Variants in ARHGAP20 observed in about 807,000 individuals in gnomAD.
The protein encoded by ARHGAP20 is rho GTPase-activating protein 20.
A neutral mutation model predicts 73.7 loss-of-function variants in ARHGAP20; 34 were observed. That is an observed-to-expected ratio of 0.46 (90% CI 0.35 to 0.61). ARHGAP20 has a LOEUF of 0.61. Ranked by LOEUF, ARHGAP20 falls within the 20% of genes least tolerant of loss-of-function variation. The pLI, the probability that ARHGAP20 is intolerant of heterozygous loss-of-function variation, is 0.00. For synonymous variants in ARHGAP20, 523 were observed against 518.2 expected (o/e 1.01, Z -0.13); for missense variants, 1,314 against 1,420.9 (o/e 0.92, Z 1.21).
rs11461759 is a variant in ARHGAP20, at chr11:110,711,005, C to CAAAAA, written c.105+1117_105+1121dup. Reference sequence around the variant, plus strand: ...CTGGAAGGGCACCACTAAGACAAGGCAAAAAAAAAAAAAAAGGCAAAATAT... The same window carrying CAAAAA: ...CTGGAAGGGCACCACTAAGACAAGGCAAAAAAAAAAAAAAAAAAAAGGCAAAATAT... On this transcript the variant is annotated intron_variant, in intron 1 of 14. Coordinates refer to ENST00000683387, the MANE Select transcript of ARHGAP20 (RefSeq NM_001384657.1). Among the ~76,000 whole-genome samples the CAAAAA allele has an allele frequency of 4.3e-3, 358 of 82,446 alleles. 3 individuals carry two copies. Among genetic ancestry groups the CAAAAA allele is most frequent in the Middle Eastern group, 0.019 (3 of 154 alleles). 54.1% of individuals were successfully genotyped at this position (82,446 alleles called of 152,430 possible).
intron 2 of ARHGAP20, among the ~76,000 whole-genome samples, chr11:110,663,683 TA>T (rs1183696395): frequency 1.3e-5 from 2 of 151,852 alleles, no homozygotes; most frequent in African/African-American, 4.8e-5. Flanking sequence ...ATGAAAGAAA[TA>T]AAACTAATTC....
chr11:110,580,830 G>A lies in ARHGAP20; in HGVS notation c.2116C>T (p.Pro706Ser). 1 of 1,614,024 alleles carries A rather than the reference G, an allele frequency of 6.2e-7. No individual in the cohort carries two copies. The highest frequency in any genetic ancestry group is 8.5e-7 in the Non-Finnish European group (1 of 1,179,932). ...TTTGAATCCAGATAGTCGATGCTGG[G>A]CTCTGAGCAACGCCGGTGTCGCCTC... ...SLRRHRRCSE[P>S]SIDYLDSKLS... Residue 706 changes from proline to serine, a missense_variant, in exon 15 of 15, where the codon CCC becomes TCC. By Grantham distance (74) the Pro-to-Ser change is moderately conservative. Transcript: ENST00000683387.
At chr11:110,687,535 A>G (rs1950161144) in intron 2 of ARHGAP20, among the ~76,000 whole-genome samples, 1 of 152,056 alleles carries the variant, frequency 6.6e-6, no homozygotes, top group Non-Finnish European at 1.5e-5. Flanking sequence ...GAGAAGTGGC[A>G]TTTTTCAGTG....
At chr11:110,689,753 T>G (rs561218057) in intron 2 of ARHGAP20, among the ~76,000 whole-genome samples, 203 of 147,626 alleles carry the variant, frequency 1.4e-3, no homozygotes, top group Non-Finnish European at 2.5e-3. Context: ...GGAAAGGCGG[T>G]CTCATAATAG....
rs762134281 is a variant in ARHGAP20 at position 110,580,767 on chromosome 11, G to A, written c.2179C>T (p.Arg727Cys). 1.5e-5 allele frequency: 24 copies of A among 1,613,952 alleles called. No homozygotes were observed. The highest frequency in any genetic ancestry group is 5.3e-5 in the African/African-American group (4 of 74,880). ...AGAATTGCATCACAGCTGGACTTGC[G>A]TAGCTTTTTCTGATAAAACTCCCTG... ...YLREFYQKKL[R>C]KSSCDAILSQ... The change falls in exon 15 of 15, where the codon CGC becomes TGC. Residue 727 changes from arginine to cysteine, a missense_variant. Physicochemically the swap from Arg to Cys is radical, Grantham distance 180. Transcript: ENST00000683387.
chr11:110,596,944 T>C (rs1332278227), intron 9 of ARHGAP20, among the ~76,000 whole-genome samples: 1 of 152,042 alleles, frequency 6.6e-6, no homozygotes, highest in East Asian at 1.9e-4. Context: ...ATATAGACCA[T>C]GGAATACTAT....
chr11:110,592,015 T>C lies in ARHGAP20; in HGVS notation c.1105A>G (p.Asn369Asp). The C allele has an allele frequency of 6.2e-7, 1 of 1,614,118 alleles. No individual in the cohort carries two copies. The highest frequency in any genetic ancestry group is 8.5e-7 in the Non-Finnish European group (1 of 1,179,986). The change falls in exon 10 of 15, where the codon AAT (asparagine) becomes GAT (aspartate). Residue 369 changes from asparagine (N) to aspartate (D), a missense_variant. By Grantham distance (23) the Asn-to-Asp change is conservative. Around this residue, in one of 3 missense-constraint regions of ARHGAP20, gnomAD observed 443 missense variants for 466.4 expected, o/e 0.95. Coordinates refer to ENST00000683387, the MANE Select transcript of ARHGAP20 (RefSeq NM_001384657.1). ...PGQLFGISLP[N>D]ICENDNLPKP... ...GGCAGATTGTCATTCTCACAAATAT[T>C]TGGCAGAGAAATTCCAAAGAGCTGT...
chr11:110,600,199 T>TCAC (rs1346723954), intron 9 of ARHGAP20, among the ~76,000 whole-genome samples: 1 of 152,236 alleles, frequency 6.6e-6, no homozygotes, highest in Non-Finnish European at 1.5e-5. Flanking sequence ...TGCCCCTTGT[T>TCAC]CACCACACTG....
rs538228864 is a variant in ARHGAP20, at chr11:110,627,148, G to T, written c.354-2837C>A. Among the ~76,000 whole-genome samples the T allele has an allele frequency of 4.6e-5, 7 of 152,186 alleles. No individual in the cohort carries two copies. In the East Asian group the frequency reaches 9.7e-4, roughly 21 times the overall value. On this transcript the variant is annotated intron_variant, in intron 3 of 14. Coordinates refer to ENST00000683387, the MANE Select transcript of ARHGAP20 (RefSeq NM_001384657.1). ...TTGTCACCCAGGCTGGAGTGCATTG[G>T]CATGATCTTGGCTCACTGCAACCAC...
chr11:110,690,948 T>C (rs1443316113), intron 1 of ARHGAP20: 2 of 1,461,142 alleles, frequency 1.4e-6, no homozygotes, highest in Non-Finnish European at 1.8e-6. Flanking sequence ...TCTGGCTCTA[T>C]GCTAAAGGCT....
chr11:110,596,344 A>G (rs1354009286), intron 9 of ARHGAP20, among the ~76,000 whole-genome samples: 4 of 150,354 alleles, frequency 2.7e-5, no homozygotes, highest in Non-Finnish European at 4.4e-5. Flanking sequence ...AACTACCATC[A>G]GAGTGAACAG....
chr11:110,598,104 C>T (rs975260271), intron 9 of ARHGAP20, among the ~76,000 whole-genome samples: 3 of 150,490 alleles, frequency 2.0e-5, no homozygotes, highest in Non-Finnish European at 4.4e-5. Flanking sequence ...TAATAATAAC[C>T]ATAACAACAA....
chr11:110,654,917 C>G (rs1014532752), intron 2 of ARHGAP20, among the ~76,000 whole-genome samples: 3 of 152,144 alleles, frequency 2.0e-5, no homozygotes, highest in Admixed American at 6.6e-5. Flanking sequence ...GACAATAAAT[C>G]TTTAAGCAGA....
At chr11:110,696,402 C>T (rs1383077325) in intron 1 of ARHGAP20, among the ~76,000 whole-genome samples, 1 of 151,534 alleles carries the variant, frequency 6.6e-6, no homozygotes, top group Non-Finnish European at 1.5e-5. Flanking sequence ...TGGTCCTTAG[C>T]CATAAGTTAT....
chr11:110,648,154 A>AT (rs1303944273), intron 2 of ARHGAP20, among the ~76,000 whole-genome samples: 1 of 131,316 alleles, frequency 7.6e-6, no homozygotes, highest in Non-Finnish European at 1.6e-5. Context: ...TGATATATAT[A>AT]ATATATATAT....
chr11:110,681,762 A>T (rs1304596547), intron 2 of ARHGAP20, among the ~76,000 whole-genome samples: 2 of 152,194 alleles, frequency 1.3e-5, no homozygotes, highest in Admixed American at 6.5e-5. Flanking sequence ...GGAGTGAATG[A>T]ACCCAAAGTG....
In ARHGAP20 at chr11:110,586,332, T is replaced by C; in HGVS notation, c.1306-7A>G. The C allele has an allele frequency of 6.7e-7, 1 of 1,493,230 alleles. No individual in the cohort carries two copies. The highest frequency in any genetic ancestry group is 1.2e-5 in the South Asian group (1 of 80,340). 92.5% of individuals were successfully genotyped at this position (1,493,230 alleles called of 1,614,324 possible). On this transcript the variant is annotated splice_region_variant and splice_polypyrimidine_tract_variant and intron_variant, in intron 11 of 14. Transcript: ENST00000683387. ...GAATATTTCGCAGAAAATCCTTAAA[T>C]AGATGGAAAAACAAATATTTCAAAT...
Position 110,580,536 on chromosome 11 carries a change from C to A in ARHGAP20, c.2410G>T (p.Ala804Ser), listed in dbSNP as rs1283187209. The A allele has an allele frequency of 6.2e-7, 1 of 1,614,174 alleles. No individual in the cohort carries two copies. Among genetic ancestry groups the A allele is most frequent in the African/African-American group, 1.3e-5 (1 of 75,026 alleles). ...PKSKPVAISV[A>S]SYSPMSSQDH... ...TGTGAGGACATAGGACTATAAGATGCCACAGAAATGGCCACTGGCTTAGAC... is the reference window on the plus strand; with the variant it reads ...TGTGAGGACATAGGACTATAAGATGACACAGAAATGGCCACTGGCTTAGAC... The change falls in exon 15 of 15, where the codon GCA (alanine) becomes TCA (serine). Residue 804 changes from alanine to serine, a missense_variant. By Grantham distance (99) the Ala-to-Ser change is moderately conservative (BLOSUM62 1). Around this residue, in one of 3 missense-constraint regions of ARHGAP20, gnomAD observed 641 missense variants for 636.9 expected, o/e 1.01. Transcript: ENST00000683387.
chr11:110,621,997 T>C (rs1948639224), intron 4 of ARHGAP20, among the ~76,000 whole-genome samples: 2 of 152,240 alleles, frequency 1.3e-5, no homozygotes, highest in South Asian at 4.1e-4. Context: ...TGAGTCTGTC[T>C]CATGCATGTG....
Sources: gnomAD v4.1 joint callset for allele counts (sites outside exome capture counted in the v4.1 genomes callset) on GRCh38, gnomAD v4.1.1 for gene constraint, gnomAD v4.1.1 regional missense constraint, MANE v1.5 for transcripts, NCBI Gene and HGNC (gene_info 2026-07-23, HGNC 2026-07-21) for gene names.